GALNTL6: variants seen among roughly 807,000 people sequenced by gnomAD.
The protein encoded by GALNTL6 is polypeptide N-acetylgalactosaminyltransferase-like 6.
In GALNTL6, 46 loss-of-function variants were observed where a neutral mutation model predicts 73.7. The ratio of observed to expected loss-of-function variants is 0.62; its 90% CI spans 0.49 to 0.80. The LOEUF (loss-of-function observed/expected upper bound fraction) is 0.80. Ranked by LOEUF, GALNTL6 falls within the 30% of genes least tolerant of loss-of-function variation. The pLI is 0.00. For synonymous variants in GALNTL6, 259 were observed against 263.7 expected (o/e 0.98, Z 0.17); for missense variants, 604 against 755.0 (o/e 0.80, Z 2.34).
intron 5 of GALNTL6, among the ~76,000 whole-genome samples, chr4:172,685,810 A>G (rs1732884188): frequency 6.6e-6 from 1 of 152,188 alleles, no homozygotes; most frequent in South Asian, 2.1e-4. Context: ...ATTAGAATGA[A>G]GGAGCGGGGA....
chr4:172,932,658 T>C (rs921689374), intron 9 of GALNTL6, among the ~76,000 whole-genome samples: 3 of 152,220 alleles, frequency 2.0e-5, no homozygotes, highest in Admixed American at 2.0e-4. Context: ...CATAATGAGA[T>C]ATCTTGGGGA....
At chr4:172,019,831 A>T (rs144947227) in intron 2 of GALNTL6, among the ~76,000 whole-genome samples, 78 of 152,244 alleles carry the variant, frequency 5.1e-4, no homozygotes, top group African/African-American at 1.7e-3. Flanking sequence ...CCTAATAGAT[A>T]TTTACAGAAC....
chr4:172,906,683 C>T (rs765062609), intron 8 of GALNTL6, among the ~76,000 whole-genome samples: 2 of 152,220 alleles, frequency 1.3e-5, no homozygotes, highest in African/African-American at 2.4e-5. Flanking sequence ...GTCTTGCTGG[C>T]TGTCATCTGG....
chr4:172,345,655 C>T (rs1741715393), intron 4 of GALNTL6, among the ~76,000 whole-genome samples: 1 of 152,054 alleles, frequency 6.6e-6, no homozygotes, highest in Non-Finnish European at 1.5e-5. Context: ...GAGACTATAC[C>T]AAATGAGGTA....
intron 5 of GALNTL6, among the ~76,000 whole-genome samples, chr4:172,582,166 C>A (rs1467915909): frequency 6.6e-6 from 1 of 152,160 alleles, no homozygotes; most frequent in African/African-American, 2.4e-5. Context: ...GATGACAACA[C>A]AAGGTAAGCA....
chr4:171,900,857 C>T (rs1014371270), intron 2 of GALNTL6, among the ~76,000 whole-genome samples: 1 of 150,992 alleles, frequency 6.6e-6, no homozygotes, highest in African/African-American at 2.4e-5. Context: ...TAAATTATAG[C>T]ATCAAAAACA....
chr4:171,959,939 A>G (rs1739172434), intron 2 of GALNTL6, among the ~76,000 whole-genome samples: 1 of 152,228 alleles, frequency 6.6e-6, no homozygotes, highest in Non-Finnish European at 1.5e-5. Flanking sequence ...AAAGAATAGA[A>G]AGCAAGTAAA....
At chr4:172,038,485 A>G (rs1376217489) in intron 2 of GALNTL6, among the ~76,000 whole-genome samples, 1 of 152,158 alleles carries the variant, frequency 6.6e-6, no homozygotes, top group Non-Finnish European at 1.5e-5. Flanking sequence ...TTGTTTCGTT[A>G]AATAATACCA....
At chr4:172,219,590 C>G (rs1391363734) in intron 2 of GALNTL6, among the ~76,000 whole-genome samples, 2 of 151,862 alleles carry the variant, frequency 1.3e-5, no homozygotes, top group Non-Finnish European at 2.9e-5. Context: ...TATTGTCTCT[C>G]ATGTCTACAA....
intron 5 of GALNTL6, among the ~76,000 whole-genome samples, chr4:172,717,796 G>C (rs1158751303): frequency 6.6e-6 from 1 of 152,088 alleles, no homozygotes; most frequent in African/African-American, 2.4e-5. Context: ...AGTCTGAATG[G>C]ACTCCCCAAA....
intron 2 of GALNTL6, among the ~76,000 whole-genome samples, chr4:171,930,150 ACCT>A (rs925485319): frequency 5.3e-5 from 8 of 152,170 alleles, no homozygotes; most frequent in African/African-American, 7.2e-5. Flanking sequence ...TTGGCTGGTG[ACCT>A]CCACATCCCA....
intron 3 of GALNTL6, among the ~76,000 whole-genome samples, chr4:172,282,180 G>T (rs115592360): frequency 2.8e-4 from 42 of 152,202 alleles, no homozygotes; most frequent in African/African-American, 8.9e-4. Flanking sequence ...CTACAAATCA[G>T]TATGAAAACA....
intron 5 of GALNTL6, among the ~76,000 whole-genome samples, chr4:172,378,322 T>C (rs1167210462): frequency 6.6e-6 from 1 of 152,182 alleles, no homozygotes; most frequent in Non-Finnish European, 1.5e-5. Context: ...AAAAGGACCT[T>C]GCTTCAGCCT....
chr4:171,976,000 G>T (rs906692144), intron 2 of GALNTL6, among the ~76,000 whole-genome samples: 1 of 151,994 alleles, frequency 6.6e-6, no homozygotes, highest in Non-Finnish European at 1.5e-5. Flanking sequence ...TCAGCTCATT[G>T]CAACCTCCAC....
At chr4:172,466,445 G>A (rs1001991948) in intron 5 of GALNTL6, among the ~76,000 whole-genome samples, 8 of 152,106 alleles carry the variant, frequency 5.3e-5, no homozygotes, top group Non-Finnish European at 8.8e-5. Flanking sequence ...TCTTAGTCTT[G>A]TATCTCAAGA....
At chr4:172,165,068 T>C (rs6811345) in intron 2 of GALNTL6, among the ~76,000 whole-genome samples, 64,856 of 151,864 alleles carry the variant, frequency 0.43, 14,667 homozygotes, top group African/African-American at 0.57. Context: ...AAAATACAAT[T>C]CCAAACAACT....
rs534847552 is a variant in GALNTL6 at position 172,512,265 on chromosome 4, C to T, written c.553+163576C>T. On this transcript the variant is annotated intron_variant, in intron 5 of 12. Transcript: ENST00000506823. ...TGAGATAGAAATAGCTACTCCTGCT[C>T]ACTTTTGCTGTCCATCTGCATGGAA... Among the ~76,000 whole-genome samples, 2 of 51,448 alleles carry T rather than the reference C, an allele frequency of 3.9e-5. 1 individual carries two copies. Among genetic ancestry groups the T allele is most frequent in the East Asian group, 0.026 (2 of 76 alleles). 33.8% of individuals were successfully genotyped at this position (51,448 alleles called of 152,430 possible).
At position 172,222,229 on chromosome 4, in the gene GALNTL6, T is replaced by G. The variant is rs78438785; in HGVS notation, c.139-7427T>G. On this transcript the variant is annotated intron_variant, in intron 2 of 12. Transcript: ENST00000506823. ...CTATGCAAAGAGGTGATGTTTAATCTTCCCACTGACCAAAGAATGAAAATC... is the reference window on the plus strand; with the variant it reads ...CTATGCAAAGAGGTGATGTTTAATCGTCCCACTGACCAAAGAATGAAAATC... Among the ~76,000 whole-genome samples the G allele has an allele frequency of 1.7e-4, 26 of 152,060 alleles. No homozygotes were observed. In the East Asian group the frequency reaches 4.8e-3, roughly 28 times the overall value.
chr4:172,220,584 A>G (rs1736641049), intron 2 of GALNTL6, among the ~76,000 whole-genome samples: 2 of 151,776 alleles, frequency 1.3e-5, no homozygotes, highest in Admixed American at 6.6e-5. Flanking sequence ...AGTTTGTTCA[A>G]TTTTTTATGA....
Sources: gnomAD v4.1 joint callset for allele counts (sites outside exome capture counted in the v4.1 genomes callset) on GRCh38, gnomAD v4.1.1 for gene constraint, MANE v1.5 for transcripts, NCBI Gene and HGNC (gene_info 2026-07-23, HGNC 2026-07-21) for gene names.